The following NIM1K variants were observed in gnomAD, a reference collection of about 807,000 sequenced individuals.
NIM1K encodes NIM1 serine/threonine protein kinase.
A neutral mutation model predicts 37.1 loss-of-function variants in NIM1K; 35 were observed. That is an observed-to-expected ratio of 0.94 (90% CI 0.72 to 1.25). NIM1K has a LOEUF of 1.25. NIM1K is among the 50% of genes most tolerant of loss of function. The probability of loss-of-function intolerance (pLI) is 0.00; values close to 1 mark genes in which losing one functional copy is unlikely to be tolerated. For missense variants in NIM1K, 564 were observed against 548.0 expected (o/e 1.03, Z -0.29); for synonymous variants, 234 against 206.6 (o/e 1.13, Z -1.14).
At chr5:43,204,865 G>A (rs896996302) in intron 1 of NIM1K, among the ~76,000 whole-genome samples, 6 of 152,078 alleles carry the variant, frequency 3.9e-5, no homozygotes, top group East Asian at 3.9e-4. Flanking sequence ...GTGAGGTGGC[G>A]CTCGCCTGTA....
chr5:43,205,313 T>C (rs1010405986), intron 1 of NIM1K, among the ~76,000 whole-genome samples: 3 of 152,260 alleles, frequency 2.0e-5, no homozygotes, highest in Non-Finnish European at 4.4e-5. Flanking sequence ...TTATAGAGTT[T>C]GTTGTAATGG....
At chr5:43,213,208 TCTTTC>T (rs1752237222) in intron 1 of NIM1K, among the ~76,000 whole-genome samples, 1 of 61,258 alleles carries the variant, frequency 1.6e-5, no homozygotes. Flanking sequence ...TTTCTTTCTT[TCTTTC>T]TTTCTTTCTT....
intron 3 of NIM1K, 85 bp from the exon 4 acceptor site, chr5:43,279,895 A>T (rs887044162): frequency 9.3e-7 from 1 of 1,072,642 alleles, no homozygotes; most frequent in African/African-American, 1.6e-5. Context: ...CACCATCATT[A>T]TCTCACTGTT....
At chr5:43,212,212 G>T (rs917758132) in intron 1 of NIM1K, among the ~76,000 whole-genome samples, 2 of 152,084 alleles carry the variant, frequency 1.3e-5, no homozygotes, top group Non-Finnish European at 2.9e-5. Context: ...ACAGGATTGG[G>T]TGAGGGGAAG....
At chr5:43,217,640 T>A (rs1218543176) in intron 1 of NIM1K, among the ~76,000 whole-genome samples, 1 of 151,920 alleles carries the variant, frequency 6.6e-6, no homozygotes, top group Non-Finnish European at 1.5e-5. Context: ...ATGCTGAACA[T>A]CCTTTAATGT....
At chr5:43,261,177 A>G (rs1753024531) in intron 2 of NIM1K, among the ~76,000 whole-genome samples, 1 of 152,188 alleles carries the variant, frequency 6.6e-6, no homozygotes, top group African/African-American at 2.4e-5. Context: ...ATCCTTGAGG[A>G]AGTGCCACAT....
At chr5:43,220,888 G>T (rs996751255) in intron 1 of NIM1K, among the ~76,000 whole-genome samples, 1 of 152,124 alleles carries the variant, frequency 6.6e-6, no homozygotes, top group Non-Finnish European at 1.5e-5. Context: ...GCATAGGGGG[G>T]ACATGAGAGA....
chr5:43,204,870 C>G (rs569077427), intron 1 of NIM1K, among the ~76,000 whole-genome samples: 2 of 152,222 alleles, frequency 1.3e-5, no homozygotes, highest in African/African-American at 2.4e-5. Flanking sequence ...GTGGCGCTCG[C>G]CTGTAGTCCC....
At chr5:43,273,132 C>T (rs1452539667) in intron 2 of NIM1K, among the ~76,000 whole-genome samples, 3 of 152,108 alleles carry the variant, frequency 2.0e-5, no homozygotes, top group African/African-American at 7.2e-5. Context: ...TCTATCATCC[C>T]CTCCTAGACT....
At chr5:43,203,015 C>G (rs1752056337) in intron 1 of NIM1K, among the ~76,000 whole-genome samples, 2 of 152,106 alleles carry the variant, frequency 1.3e-5, no homozygotes, top group African/African-American at 2.4e-5. Flanking sequence ...TCAGCTCCAG[C>G]CTTTCGATGA....
intron 1 of NIM1K, chr5:43,207,252 A>G (rs1752131651): frequency 1.3e-6 from 1 of 758,496 alleles, no homozygotes; most frequent in Admixed American, 1.7e-5. Flanking sequence ...GGCAAAGATT[A>G]CACTGGCAAA....
chr5:43,198,148 T>TTTCTTTCC (rs1751946305), intron 1 of NIM1K, among the ~76,000 whole-genome samples: 1 of 45,830 alleles, frequency 2.2e-5, no homozygotes, highest in East Asian at 6.8e-4. Flanking sequence ...TCTTTCTTTC[T>TTTCTTTCC]TTCTTTCTTT....
At chr5:43,267,202 C>T (rs1195001608) in intron 2 of NIM1K, among the ~76,000 whole-genome samples, 1 of 152,130 alleles carries the variant, frequency 6.6e-6, no homozygotes, top group Admixed American at 6.5e-5. Flanking sequence ...TTGTAAATTT[C>T]CAGGAATTTA....
rs369887060 is a variant in NIM1K, at chr5:43,217,617, C to T, written c.-695+25206C>T. Among the ~76,000 whole-genome samples, 20 of 152,118 alleles carry T rather than the reference C, an allele frequency of 1.3e-4. No individual in the cohort carries two copies. The East Asian group carries it at 1.4e-3, about 10-fold the overall frequency. ...GTATCTGATTGTGGTTTTGCATTAC[C>T]TGACGGATAATGATGCTGAACATCC... is the stretch of plus-strand genomic sequence containing the variant. On this transcript the variant is annotated intron_variant, in intron 1 of 3. Transcript: ENST00000326035.
At chr5:43,198,330 G>T (rs1321758142) in intron 1 of NIM1K, among the ~76,000 whole-genome samples, 12 of 112,040 alleles carry the variant, frequency 1.1e-4, no homozygotes, top group South Asian at 5.7e-4. Context: ...CTTCCTTTCT[G>T]TCTTTCTGTC....
At chr5:43,237,482 A>G (rs1752638163) in intron 1 of NIM1K, among the ~76,000 whole-genome samples, 1 of 152,222 alleles carries the variant, frequency 6.6e-6, no homozygotes, top group African/African-American at 2.4e-5. Flanking sequence ...TAAAGGGCAA[A>G]GGCAAAAGAA....
At chr5:43,200,350 G>C (rs1288612753) in intron 1 of NIM1K, among the ~76,000 whole-genome samples, 1 of 151,978 alleles carries the variant, frequency 6.6e-6, no homozygotes, top group Admixed American at 6.6e-5. Flanking sequence ...TCCCAGGCTG[G>C]AGTGCAGTGA....
At chr5:43,201,635 G>T (rs929175004) in intron 1 of NIM1K, among the ~76,000 whole-genome samples, 1 of 151,874 alleles carries the variant, frequency 6.6e-6, no homozygotes, top group African/African-American at 2.4e-5. Context: ...CTGTTAGAAA[G>T]CCTACCACAA....
chr5:43,208,599 C>T (rs1752153350), intron 1 of NIM1K, among the ~76,000 whole-genome samples: 1 of 149,598 alleles, frequency 6.7e-6, no homozygotes, highest in South Asian at 2.1e-4. Context: ...AGGACTCTGT[C>T]TCAAAAAAAA....
Sources: gnomAD v4.1 joint callset for allele counts (sites outside exome capture counted in the v4.1 genomes callset) on GRCh38, gnomAD v4.1.1 for gene constraint, MANE v1.5 for transcripts, NCBI Gene and HGNC (gene_info 2026-07-23, HGNC 2026-07-21) for gene names.